CDA: variants seen among roughly 807,000 people sequenced by gnomAD.
CDA encodes the protein cytidine deaminase.
A neutral mutation model predicts 15.0 loss-of-function variants in CDA; 7 were observed. That is an observed-to-expected ratio of 0.47 (90% CI 0.26 to 0.87). The LOEUF (loss-of-function observed/expected upper bound fraction) is 0.87, where lower values mean the gene tolerates loss of function less well. Ranked by LOEUF, CDA falls within the 40% of genes least tolerant of loss-of-function variation. The pLI is 0.15. For missense variants in CDA, 159 were observed against 182.7 expected (o/e 0.87, Z 0.75); for synonymous variants, 58 against 73.0 (o/e 0.79, Z 1.05).
intron 1 of CDA, among the ~76,000 whole-genome samples, chr1:20,597,607 A>G (rs2052602301): frequency 6.6e-6 from 1 of 152,262 alleles, no homozygotes; most frequent in Non-Finnish European, 1.5e-5. Context: ...AGCACTCCAC[A>G]GAGTGCCTGG....
At chr1:20,608,175 CTT>C (rs924229995) in intron 2 of CDA, among the ~76,000 whole-genome samples, 2 of 152,132 alleles carry the variant, frequency 1.3e-5, no homozygotes, top group African/African-American at 4.8e-5. Context: ...AGTGCTCTCT[CTT>C]GGCAGGAACG....
At chr1:20,610,793 A>G (rs1380441294) in intron 2 of CDA, among the ~76,000 whole-genome samples, 2 of 152,198 alleles carry the variant, frequency 1.3e-5, no homozygotes, top group Non-Finnish European at 2.9e-5. Context: ...AGTCTTCCAT[A>G]CACCTTATCT....
intron 1 of CDA, among the ~76,000 whole-genome samples, chr1:20,600,753 C>CAAAA (rs5772908): frequency 2.5e-5 from 3 of 121,110 alleles, no homozygotes; most frequent in Non-Finnish European, 5.0e-5. Flanking sequence ...GACTCTGTCT[C>CAAAA]AAAAAAAAAA....
intron 2 of CDA, among the ~76,000 whole-genome samples, chr1:20,606,256 A>G (rs959114562): frequency 9.3e-5 from 14 of 150,288 alleles, no homozygotes; most frequent in Non-Finnish European, 1.3e-4. Context: ...CATGGCGTGA[A>G]CCCGGGAGGT....
chr1:20,608,282 G>T lies in CDA; in HGVS notation c.266+3243G>T, dbSNP rs185668151. Among the ~76,000 whole-genome samples the T allele has an allele frequency of 6.4e-3, 970 of 152,170 alleles. 1 individual carries two copies. Among genetic ancestry groups the T allele is most frequent in the Non-Finnish European group, 0.01 (696 of 67,978 alleles). The stretch of plus-strand genomic sequence containing the variant: ...CTTGGGCATGCTGCTTAGACCCTGA[G>T]CCTGGCTTCTCATCTGTGAAATGGA... On this transcript the variant is annotated intron_variant, in intron 2 of 3. Coordinates refer to ENST00000375071, the MANE Select transcript of CDA (RefSeq NM_001785.3).
chr1:20,594,433 A>G lies in CDA; in HGVS notation c.154+5150A>G, dbSNP rs140203894. On this transcript the variant is annotated intron_variant, in intron 1 of 3. Coordinates refer to ENST00000375071, the MANE Select transcript of CDA (RefSeq NM_001785.3). ...CTGGTGAGGAAAGAGCTGCTAAGGGAAAAAAAAAAGTGAGGACACAAAGAG... is the reference window on the plus strand; with the variant it reads ...CTGGTGAGGAAAGAGCTGCTAAGGGGAAAAAAAAAGTGAGGACACAAAGAG... Among the ~76,000 whole-genome samples, 60 of 149,306 alleles carry G rather than the reference A, an allele frequency of 4.0e-4. No homozygotes were observed. The East Asian group carries it at 0.01, about 25-fold the overall frequency.
chr1:20,594,311 A>G (rs1242133036), intron 1 of CDA, among the ~76,000 whole-genome samples: 1 of 152,202 alleles, frequency 6.6e-6, no homozygotes, highest in African/African-American at 2.4e-5. Context: ...GTGATTAACA[A>G]CTACAGCAAT....
chr1:20,593,651 T>C (rs1377275844), intron 1 of CDA, among the ~76,000 whole-genome samples: 1 of 152,330 alleles, frequency 6.6e-6, no homozygotes, highest in East Asian at 1.9e-4. Context: ...CCTAGTTCAC[T>C]GCAGTCTCAA....
intron 3 of CDA, among the ~76,000 whole-genome samples, chr1:20,617,364 T>C (rs2154532962): frequency 6.6e-6 from 1 of 152,316 alleles, no homozygotes; most frequent in Non-Finnish European, 1.5e-5. Context: ...AAACCACGCA[T>C]GTGCAGTATC....
chr1:20,609,210 C>T (rs1014178732), intron 2 of CDA, among the ~76,000 whole-genome samples: 3 of 152,116 alleles, frequency 2.0e-5, no homozygotes, highest in Non-Finnish European at 4.4e-5. Context: ...GAAGGCCGGG[C>T]GCAGTGGCTC....
chr1:20,616,170 G>C (rs2052800074), intron 3 of CDA, among the ~76,000 whole-genome samples: 2 of 152,152 alleles, frequency 1.3e-5, no homozygotes, highest in South Asian at 4.1e-4. Context: ...TGGCCCATCA[G>C]GCTGACTCTG....
chr1:20,591,958 C>G (rs142794294), intron 1 of CDA, among the ~76,000 whole-genome samples: 1 of 151,938 alleles, frequency 6.6e-6, no homozygotes, highest in Non-Finnish European at 1.5e-5. Context: ...ATTCTCCTGC[C>G]TCAGCCTCAG....
chr1:20,600,834 G>A (rs1245457194), intron 1 of CDA, among the ~76,000 whole-genome samples: 1 of 152,006 alleles, frequency 6.6e-6, no homozygotes, highest in Non-Finnish European at 1.5e-5. Context: ...GAGACAAGGT[G>A]GGGAGCAAGA....
intron 1 of CDA, among the ~76,000 whole-genome samples, chr1:20,590,775 T>C (rs1346012086): frequency 6.6e-6 from 1 of 152,156 alleles, no homozygotes; most frequent in Admixed American, 6.5e-5. Flanking sequence ...ACTCAATAAC[T>C]GTTGAGTGAC....
At chr1:20,607,358 C>T (rs1374884429) in intron 2 of CDA, among the ~76,000 whole-genome samples, 2 of 152,104 alleles carry the variant, frequency 1.3e-5, no homozygotes, top group African/African-American at 2.4e-5. Context: ...TCCCTGTCAC[C>T]GAGGTGTGTC....
chr1:20,609,116 C>T, intron 2 of CDA, among the ~76,000 whole-genome samples: 1 of 152,190 alleles, frequency 6.6e-6, no homozygotes, highest in Non-Finnish European at 1.5e-5. Context: ...CATGCTTGCC[C>T]ACCTTGAAAT....
chr1:20,594,513 C>T (rs1309761602), intron 1 of CDA, among the ~76,000 whole-genome samples: 3 of 151,778 alleles, frequency 2.0e-5, no homozygotes, highest in Non-Finnish European at 4.4e-5. Flanking sequence ...ATGGGCCAGG[C>T]GCGGTGGCTC....
At chr1:20,617,823 G>A (rs1050607049) in intron 3 of CDA, among the ~76,000 whole-genome samples, 8 of 151,296 alleles carry the variant, frequency 5.3e-5, no homozygotes, top group South Asian at 4.2e-4. Context: ...AGCCTTCTGA[G>A]TAGCTGGGAT....
intron 1 of CDA, among the ~76,000 whole-genome samples, chr1:20,601,816 A>G (rs1256978568): frequency 6.6e-6 from 1 of 152,216 alleles, no homozygotes; most frequent in Non-Finnish European, 1.5e-5. Flanking sequence ...CATAATCACA[A>G]TGAAGACTTG....
Sources: allele counts gnomAD v4.1 joint callset (sites outside exome capture counted in the v4.1 genomes callset), GRCh38; gene constraint gnomAD v4.1.1; transcripts MANE v1.5; gene names NCBI Gene and HGNC (gene_info 2026-07-23, HGNC 2026-07-21).